The following MILR1 variants were observed in gnomAD, a reference collection of about 807,000 sequenced individuals.
MILR1 encodes the protein mast cell immunoglobulin like receptor 1, also known as allergin-1.
MILR1 carries 31 observed loss-of-function variants against 18.5 expected under a neutral mutation model. That is an observed-to-expected ratio of 1.68 (90% CI 1.26 to 2.26). The LOEUF (loss-of-function observed/expected upper bound fraction) is 2.26, where lower values mean the gene tolerates loss of function less well. Ranked by LOEUF, MILR1 falls within the 30% of genes most tolerant of loss-of-function variation. The probability of loss-of-function intolerance (pLI) is 0.00; values close to 1 mark genes in which losing one functional copy is unlikely to be tolerated. For synonymous variants in MILR1, 85 were observed against 56.2 expected, an observed-to-expected ratio of 1.51 and a Z score of -2.30; for missense variants, 257 against 157.4, an observed-to-expected ratio of 1.63 and a Z score of -3.38.
At chr17:64,459,427 CCT>C (rs1239196149) in intron 4 of MILR1, among the ~76,000 whole-genome samples, 5 of 150,704 alleles carry the variant, frequency 3.3e-5, no homozygotes, top group African/African-American at 1.2e-4. Flanking sequence ...AGAGCGAGAC[CCT>C]GTCTCAAAGA....
chr17:64,455,529 C>T (rs1052407188), intron 3 of MILR1, among the ~76,000 whole-genome samples: 7,025 of 152,012 alleles, frequency 0.046, 570 homozygotes, highest in African/African-American at 0.16. Flanking sequence ...TCTCGGCTCA[C>T]TGCAAGCTCT....
At chr17:64,486,374 TAA>T in the MILR1 span, among the ~76,000 whole-genome samples, 5 of 150,514 alleles carry the variant, frequency 3.3e-5, no homozygotes, top group Non-Finnish European at 5.9e-5. Context: ...TTTTTTTTTT[TAA>T]TACAGACAGA....
intron 8 of MILR1, 35 bp from the exon 9 acceptor site, chr17:64,467,530 A>G (rs996730132): frequency 1.5e-6 from 2 of 1,326,542 alleles, no homozygotes; most frequent in Non-Finnish European, 2.1e-6. Flanking sequence ...CTGGTCACAT[A>G]TCCTAAGTAA....
the MILR1 span, chr17:64,492,761 T>C: frequency 4.3e-6 from 7 of 1,611,188 alleles, no homozygotes; most frequent in East Asian, 4.5e-5. Context: ...AGCTTCAGTC[T>C]TCTCACCAAT....
At chr17:64,467,685 A>C (rs1555663726) in intron 9 of MILR1, 40 bp downstream of exon 9, 1 of 1,269,958 alleles carries the variant, frequency 7.9e-7, no homozygotes, top group South Asian at 1.3e-5. Flanking sequence ...ATGAACAAAA[A>C]GCAAACTTGA....
intron 2 of MILR1, 62 bp downstream of exon 2, chr17:64,449,417 A>C (rs2037115588): frequency 4.7e-6 from 2 of 425,450 alleles, no homozygotes; most frequent in African/African-American, 4.0e-5. Context: ...AGACAGTCTG[A>C]TTGCAACATA....
the MILR1 span, chr17:64,477,693 A>G: frequency 2.9e-6 from 3 of 1,047,294 alleles, no homozygotes; most frequent in Non-Finnish European, 3.9e-6. Context: ...CATAAAAAAT[A>G]TAAACACTGA....
chr17:64,450,434 C>T (rs1457057195), intron 2 of MILR1, among the ~76,000 whole-genome samples: 1 of 152,128 alleles, frequency 6.6e-6, no homozygotes, highest in Non-Finnish European at 1.5e-5. Flanking sequence ...CCCTTCCTAT[C>T]CAGAAGCAGC....
downstream of MILR1, among the ~76,000 whole-genome samples, chr17:64,469,970 G>C (rs2037662770): frequency 6.6e-6 from 1 of 152,182 alleles, no homozygotes. Context: ...GGTGGTTCCT[G>C]GGGGATGGGG....
At chr17:64,482,634 G>A in the MILR1 span, among the ~76,000 whole-genome samples, 29 of 152,114 alleles carry the variant, frequency 1.9e-4, no homozygotes. Flanking sequence ...ATTTTAAAAA[G>A]CAAATGAATC....
chr17:64,483,502 A>C, the MILR1 span, among the ~76,000 whole-genome samples: 1 of 147,302 alleles, frequency 6.8e-6, no homozygotes. Context: ...CGACAGAGTG[A>C]GATCCTGTCT....
intron 4 of MILR1, among the ~76,000 whole-genome samples, chr17:64,459,512 A>G (rs1442441376): frequency 6.6e-6 from 1 of 152,226 alleles, no homozygotes; most frequent in Non-Finnish European, 1.5e-5. Flanking sequence ...GACATTGACC[A>G]CTTCACCCAG....
chr17:64,483,680 A>G, the MILR1 span, among the ~76,000 whole-genome samples: 3,806 of 149,412 alleles, frequency 0.025, 168 homozygotes, highest in African/African-American at 0.09. Flanking sequence ...CTCTTTTTAT[A>G]TATATTTTTT....
At chr17:64,457,301 C>G in intron 3 of MILR1, 99 bp from the exon 4 acceptor site, 1 of 411,258 alleles carries the variant, frequency 2.4e-6, no homozygotes, top group East Asian at 3.5e-5. Context: ...CATCTTGGTT[C>G]CACAGCCTGG....
the MILR1 span, among the ~76,000 whole-genome samples, chr17:64,486,033 C>T: frequency 6.6e-6 from 1 of 152,164 alleles, no homozygotes; most frequent in Non-Finnish European, 1.5e-5. Context: ...TCTCCTGCCT[C>T]AGCCTCCTGA....
rs2037417266 is a variant in MILR1 at position 64,460,926 on chromosome 17, A to G, written c.757A>G (p.Lys253Glu). ...GGCTTTTTGGGTACTGCCCAAATACAAAACAAGTAAGTTCTTTTAGTCGCT... is the reference window on the plus strand; with the variant it reads ...GGCTTTTTGGGTACTGCCCAAATACGAAACAAGTAAGTTCTTTTAGTCGCT... ...ILAFWVLPKY[K>E]TRKAMRNNVP... Residue 253 changes from lysine (K) to glutamate (E), a missense_variant, in exon 5 of 10, where the codon AAA becomes GAA. Lys to Glu is a moderately conservative substitution (Grantham distance 56). Transcript: ENST00000619286. 2.1e-6 allele frequency: 1 copy of G among 474,692 alleles called. No homozygotes were observed. The highest frequency in any genetic ancestry group is 2.0e-5 in the African/African-American group (1 of 50,492). 29.4% of individuals were successfully genotyped at this position (474,692 alleles called of 1,614,324 possible).
downstream of MILR1, among the ~76,000 whole-genome samples, chr17:64,473,372 A>T (rs926767355): frequency 2.0e-4 from 30 of 149,360 alleles, no homozygotes; most frequent in East Asian, 4.6e-3. Flanking sequence ...AAAAAGAAGA[A>T]GTTATCTTTT....
intron 3 of MILR1, among the ~76,000 whole-genome samples, chr17:64,453,761 G>A (rs1372520888): frequency 6.6e-6 from 1 of 151,850 alleles, no homozygotes; most frequent in Non-Finnish European, 1.5e-5. Flanking sequence ...CCTTGATAAT[G>A]GACTCCTGTG....
At position 64,460,882 on chromosome 17, in the gene MILR1, T is replaced by C. The variant is rs896672041; in HGVS notation, c.713T>C (p.Val238Ala). 12 of 475,130 alleles carry C rather than the reference T, an allele frequency of 2.5e-5. No individual in the cohort carries two copies. The highest frequency in any genetic ancestry group is 2.2e-4 in the African/African-American group (11 of 50,498). 29.4% of individuals were successfully genotyped at this position (475,130 alleles called of 1,614,324 possible). ...LLLPGLLLLL[V>A]VIILILAFWV... is the part of the protein sequence containing the mutation. The stretch of plus-strand genomic sequence containing the variant: ...CTTCCAGGGTTATTACTGTTGCTGG[T>C]GGTGATAATCCTAATTCTGGCTTTT... Residue 238 changes from valine (V) to alanine (A), a missense_variant, in exon 5 of 10, where the codon GTG becomes GCG. Physicochemically the swap from Val to Ala is moderately conservative, Grantham distance 64 (BLOSUM62 0). Transcript: ENST00000619286.
Sources: allele counts gnomAD v4.1 joint callset (sites outside exome capture counted in the v4.1 genomes callset), GRCh38; gene constraint gnomAD v4.1.1; transcripts MANE v1.5; gene names NCBI Gene and HGNC (gene_info 2026-07-23, HGNC 2026-07-21).